Variants in CDH18 observed in about 807,000 individuals in gnomAD.
CDH18 encodes the protein cadherin 18, also known as cadherin-18.
In CDH18, 31 loss-of-function variants were observed where a neutral mutation model predicts 67.9. That is an observed-to-expected ratio of 0.46 (90% CI 0.34 to 0.62). The LOEUF (loss-of-function observed/expected upper bound fraction) is 0.62, where lower values mean the gene tolerates loss of function less well. CDH18 is among the 20% of genes least tolerant of loss of function. The pLI, the probability that CDH18 is intolerant of heterozygous loss-of-function variation, is 0.01. For synonymous variants in CDH18, 362 were observed against 347.2 expected, an observed-to-expected ratio of 1.04 and a Z score of -0.48; for missense variants, 890 against 975.5, an observed-to-expected ratio of 0.91 and a Z score of 1.17.
intron 5 of CDH18, among the ~76,000 whole-genome samples, chr5:19,671,236 G>A (rs1313260441): frequency 6.6e-6 from 1 of 152,038 alleles, no homozygotes. Flanking sequence ...GTGCTCTCAG[G>A]TCACCACCTT....
At chr5:19,880,425 T>C (rs564339730) in intron 2 of CDH18, among the ~76,000 whole-genome samples, 10 of 152,244 alleles carry the variant, frequency 6.6e-5, no homozygotes, top group Middle Eastern at 3.4e-3. Flanking sequence ...AGAGTAATTA[T>C]ACTCATTTAG....
chr5:20,002,124 A>G (rs1011682397), intron 2 of CDH18, among the ~76,000 whole-genome samples: 5 of 152,176 alleles, frequency 3.3e-5, no homozygotes, highest in African/African-American at 1.2e-4. Flanking sequence ...TTTCCTTTCT[A>G]AAGTCCCCTA....
At chr5:20,211,104 G>T (rs1740316138) in intron 2 of CDH18, among the ~76,000 whole-genome samples, 1 of 151,942 alleles carries the variant, frequency 6.6e-6, no homozygotes, top group Non-Finnish European at 1.5e-5. Flanking sequence ...AAATGTTTTG[G>T]TTTCCCAGTA....
chr5:19,494,455 G>A (rs1438625843), intron 11 of CDH18, among the ~76,000 whole-genome samples: 1 of 152,176 alleles, frequency 6.6e-6, no homozygotes, highest in Non-Finnish European at 1.5e-5. Context: ...GCAGCAAGCT[G>A]TTTCTAGAGT....
chr5:20,095,451 A>AGAAAG (rs1745878426), intron 2 of CDH18, among the ~76,000 whole-genome samples: 1 of 140,550 alleles, frequency 7.1e-6, no homozygotes, highest in African/African-American at 2.6e-5. Context: ...AAGAAAAGAA[A>AGAAAG]GAAAGAAAGA....
chr5:20,208,555 T>C (rs1004577928), intron 2 of CDH18, among the ~76,000 whole-genome samples: 22 of 152,066 alleles, frequency 1.4e-4, no homozygotes, highest in Non-Finnish European at 2.9e-5. Flanking sequence ...TCACTCACTG[T>C]ATTAAAAAAA....
intron 9 of CDH18, among the ~76,000 whole-genome samples, chr5:19,536,915 T>A (rs1053989858): frequency 6.6e-6 from 1 of 152,110 alleles, no homozygotes; most frequent in East Asian, 1.9e-4. Context: ...TCGAGGTGAT[T>A]CAAAAATATA....
At chr5:19,656,397 G>T (rs903071530) in intron 5 of CDH18, among the ~76,000 whole-genome samples, 5 of 151,722 alleles carry the variant, frequency 3.3e-5, no homozygotes, top group Non-Finnish European at 7.4e-5. Flanking sequence ...GATAGAGATG[G>T]CATATTAAAA....
intron 2 of CDH18, among the ~76,000 whole-genome samples, chr5:20,173,521 T>C (rs1242613057): frequency 2.0e-5 from 3 of 152,106 alleles, no homozygotes; most frequent in Admixed American, 6.6e-5. Flanking sequence ...GGCTAGAAAA[T>C]GTAGGTAAGT....
At chr5:20,484,864 G>T (rs1477823239) in intron 1 of CDH18, among the ~76,000 whole-genome samples, 1 of 152,024 alleles carries the variant, frequency 6.6e-6, no homozygotes, top group Admixed American at 6.6e-5. Context: ...GTAAGATCTA[G>T]TGTTCAATAG....
chr5:19,967,469 T>C (rs1238323506), intron 2 of CDH18, among the ~76,000 whole-genome samples: 1 of 152,150 alleles, frequency 6.6e-6, no homozygotes, highest in East Asian at 1.9e-4. Flanking sequence ...TTTTGGTTTG[T>C]GTTGTACATA....
intron 1 of CDH18, among the ~76,000 whole-genome samples, chr5:20,278,531 G>GA (rs761412837): frequency 1.3e-5 from 2 of 151,918 alleles, no homozygotes; most frequent in Non-Finnish European, 2.9e-5. Context: ...CAGTCTGAAA[G>GA]AAAAAAAGAT....
At chr5:20,412,313 C>A (rs1308940828) in intron 1 of CDH18, among the ~76,000 whole-genome samples, 1 of 152,112 alleles carries the variant, frequency 6.6e-6, no homozygotes, top group Non-Finnish European at 1.5e-5. Context: ...ACTGGATAGC[C>A]ATAAGCAGTG....
intron 8 of CDH18, among the ~76,000 whole-genome samples, chr5:19,547,601 G>A (rs1482065346): frequency 1.3e-5 from 2 of 152,232 alleles, no homozygotes; most frequent in Non-Finnish European, 2.9e-5. Context: ...TCTAACATAA[G>A]TGCTAATATC....
At chr5:19,628,212 T>C (rs1191966738) in intron 5 of CDH18, among the ~76,000 whole-genome samples, 3 of 152,126 alleles carry the variant, frequency 2.0e-5, no homozygotes, top group African/African-American at 7.2e-5. Flanking sequence ...TCTTGTCTGT[T>C]GCCAGGTAAG....
chr5:19,848,822 T>C (rs1353589400), intron 2 of CDH18, among the ~76,000 whole-genome samples: 1 of 150,530 alleles, frequency 6.6e-6, no homozygotes, highest in African/African-American at 2.4e-5. Context: ...AAATGCTATA[T>C]ATATAGATGA....
intron 5 of CDH18, among the ~76,000 whole-genome samples, chr5:19,672,256 T>C (rs1758851036): frequency 6.6e-6 from 1 of 152,122 alleles, no homozygotes; most frequent in Admixed American, 6.6e-5. Flanking sequence ...CACTACTGAT[T>C]AGCTGAGTGA....
chr5:19,717,237 A>G (rs1023644431), intron 5 of CDH18, among the ~76,000 whole-genome samples: 6 of 152,224 alleles, frequency 3.9e-5, no homozygotes, highest in Admixed American at 6.5e-5. Flanking sequence ...TGAAATAGAC[A>G]CAGGCATGAC....
chr5:19,569,202 C>A (rs571394296), intron 8 of CDH18, among the ~76,000 whole-genome samples: 37 of 152,200 alleles, frequency 2.4e-4, no homozygotes, highest in Non-Finnish European at 3.8e-4. Context: ...TGATCTGTAT[C>A]TAATCTATCT....
Sources: allele counts gnomAD v4.1 joint callset (sites outside exome capture counted in the v4.1 genomes callset), GRCh38; gene constraint gnomAD v4.1.1; transcripts MANE v1.5; gene names NCBI Gene and HGNC (gene_info 2026-07-23, HGNC 2026-07-21).